Variants in LEUTX observed in about 807,000 individuals in gnomAD.
LEUTX encodes paired-like homeodomain transcription factor LEUTX.
A neutral mutation model predicts 4.5 loss-of-function variants in LEUTX; 5 were observed. That is an observed-to-expected ratio of 1.11 (90% CI 0.58 to 2.34). The LOEUF is 2.34. Ranked by LOEUF, LEUTX falls within the 30% of genes most tolerant of loss-of-function variation. The pLI is 0.01. For missense variants in LEUTX, 233 were observed against 239.4 expected (o/e 0.97, Z 0.18); for synonymous variants, 89 against 85.1 (o/e 1.05, Z -0.25).
At chr19:39,783,069 T>C (rs193108960) in intron 1 of LEUTX, among the ~76,000 whole-genome samples, 1 of 151,752 alleles carries the variant, frequency 6.6e-6, no homozygotes, top group Non-Finnish European at 1.5e-5. Context: ...GTCCATTGTG[T>C]CATTCTTATG....
At chr19:39,784,743 A>G (rs1967939309) in intron 2 of LEUTX, 65 bp downstream of exon 2, 2 of 1,232,308 alleles carry the variant, frequency 1.6e-6, no homozygotes, top group Non-Finnish European at 2.3e-6. Flanking sequence ...ACTTTTGATC[A>G]TTGTTATAAC....
intron 1 of LEUTX, among the ~76,000 whole-genome samples, chr19:39,783,044 C>A (rs1967910528): frequency 6.6e-6 from 1 of 151,610 alleles, no homozygotes; most frequent in Non-Finnish European, 1.5e-5. Flanking sequence ...CCACCCTTTC[C>A]CCCGAATCCC....
upstream of LEUTX, chr19:39,776,768 C>G (rs1480290624): frequency 7.0e-6 from 3 of 430,166 alleles, no homozygotes; most frequent in Non-Finnish European, 1.4e-5. Context: ...GTAGTCCCAG[C>G]TGCTTGGGAG....
At chr19:39,783,099 T>C (rs1210584682) in intron 1 of LEUTX, among the ~76,000 whole-genome samples, 1 of 151,780 alleles carries the variant, frequency 6.6e-6, no homozygotes, top group Non-Finnish European at 1.5e-5. Flanking sequence ...CCTCATAGCT[T>C]AGCTCCCACT....
chr19:39,782,493 C>G (rs1414009112), intron 1 of LEUTX, among the ~76,000 whole-genome samples: 2 of 152,172 alleles, frequency 1.3e-5, no homozygotes, highest in Non-Finnish European at 2.9e-5. Flanking sequence ...CCATGTGGAA[C>G]TGTGAGTCCA....
chr19:39,785,679 C>T lies in LEUTX; in HGVS notation c.160-19C>T, dbSNP rs751780707. 3.2e-6 allele frequency: 5 copies of T among 1,542,724 alleles called. No individual in the cohort carries two copies. The African/African-American group carries it at 5.5e-5, about 17-fold the overall frequency. ...ATACTCAACATCCATTATTAACCTC[C>T]CCCCTCCTCCCTCCTTAGATCTGGT... On this transcript the variant is annotated intron_variant, in intron 2 of 2. Coordinates refer to ENST00000638280, the MANE Select transcript of LEUTX (RefSeq NM_001382345.1).
intron 1 of LEUTX, among the ~76,000 whole-genome samples, chr19:39,780,578 A>G (rs1470353192): frequency 1.3e-5 from 2 of 152,110 alleles, no homozygotes. Context: ...TAGTCACATA[A>G]ATATTGCTAG....
intron 2 of LEUTX, among the ~76,000 whole-genome samples, chr19:39,785,327 A>G (rs1313708631): frequency 2.0e-5 from 3 of 152,206 alleles, no homozygotes; most frequent in African/African-American, 7.2e-5. Context: ...AGTCCCAGCT[A>G]CTTGGGAGAC....
upstream of LEUTX, among the ~76,000 whole-genome samples, chr19:39,777,935 T>C (rs1158470853): frequency 6.6e-6 from 1 of 152,002 alleles, no homozygotes; most frequent in Non-Finnish European, 1.5e-5. Flanking sequence ...GGTGGGGGTG[T>C]GGAGGTTGCG....
intron 1 of LEUTX, among the ~76,000 whole-genome samples, chr19:39,783,825 G>A (rs1225223505): frequency 6.6e-6 from 1 of 151,876 alleles, no homozygotes; most frequent in Non-Finnish European, 1.5e-5. Context: ...ACTTTTTGAT[G>A]GAATTGTTTG....
chr19:39,785,642 G>A (rs1276060568), intron 2 of LEUTX, 56 bp from the exon 3 acceptor site: 2 of 1,360,558 alleles, frequency 1.5e-6, no homozygotes, highest in African/African-American at 2.9e-5. Flanking sequence ...AGGAACATGA[G>A]GATGCCCCTT....
chr19:39,781,954 A>C (rs996624665), intron 1 of LEUTX, among the ~76,000 whole-genome samples: 4 of 152,178 alleles, frequency 2.6e-5, no homozygotes, highest in African/African-American at 7.2e-5. Context: ...GTATAAGTGT[A>C]CTGATGCTGC....
chr19:39,785,706 C>T lies in LEUTX; in HGVS notation c.168C>T (p.Phe56=), dbSNP rs565258087. The T allele has an allele frequency of 6.4e-7, 1 of 1,551,642 alleles. No individual in the cohort carries two copies. The highest frequency in any genetic ancestry group is 1.4e-5 in the African/African-American group (1 of 73,126). The change falls in exon 3 of 3, where the codon TTC becomes TTT. Residue 56 remains phenylalanine, a synonymous_variant. Coordinates refer to ENST00000638280, the MANE Select transcript of LEUTX (RefSeq NM_001382345.1). ...QLDLSVVKIW[F]KNQRAKWKRQ... The stretch of plus-strand genomic sequence containing the variant: ...CCCTCCTCCCTCCTTAGATCTGGTT[C>T]AAGAACCAGCGTGCCAAATGGAAGA...
chr19:39,777,911 T>C (rs56790448), upstream of LEUTX, among the ~76,000 whole-genome samples: 2,691 of 152,282 alleles, frequency 0.018, 83 homozygotes, highest in African/African-American at 0.059. Context: ...TCCAAGACTT[T>C]TCCAAACCAA....
chr19:39,785,877 T>C lies in LEUTX; in HGVS notation c.339T>C (p.His113=). ...VSPGISDAND[H]DLREPSGIKN... ...CTGGAATCTCTGATGCAAATGACCA[T>C]GATCTACGTGAGCCTTCTGGTATCA... The change falls in exon 3 of 3, where the codon CAT becomes CAC. Residue 113 remains histidine (H), a synonymous_variant. Coordinates refer to ENST00000638280, the MANE Select transcript of LEUTX (RefSeq NM_001382345.1). 1 of 1,551,788 alleles carries C rather than the reference T, an allele frequency of 6.4e-7. No individual in the cohort carries two copies.
Position 39,785,904 on chromosome 19 carries a change from G to A in LEUTX, c.366G>A (p.Lys122=). 2 of 1,551,802 alleles carry A rather than the reference G, an allele frequency of 1.3e-6. No homozygotes were observed. The highest frequency in any genetic ancestry group is 1.7e-6 in the Non-Finnish European group (2 of 1,147,014). The change falls in exon 3 of 3, where the codon AAG becomes AAA. Residue 122 remains lysine (K), a synonymous_variant. Coordinates refer to ENST00000638280, the MANE Select transcript of LEUTX (RefSeq NM_001382345.1). Reference sequence around the variant, plus strand: ...ATCTACGTGAGCCTTCTGGTATCAAGAATCCTGGAGGAGCCAGCGCCTCTG... The same window carrying A: ...ATCTACGTGAGCCTTCTGGTATCAAAAATCCTGGAGGAGCCAGCGCCTCTG... ...DHDLREPSGI[K]NPGGASASAR... is the part of the protein sequence containing the mutation.
At position 39,783,011 on chromosome 19, in the gene LEUTX, G is replaced by A. The variant is rs529269125; in HGVS notation, c.8-1516G>A. On this transcript the variant is annotated intron_variant, in intron 1 of 2. Transcript: ENST00000638280. ...CAGCATACACTGCACCATATTTGTAGTCTTTTATCCCTCACCCCCTTCCCA... is the reference window on the plus strand; with the variant it reads ...CAGCATACACTGCACCATATTTGTAATCTTTTATCCCTCACCCCCTTCCCA... 5.9e-5 allele frequency among the ~76,000 whole-genome samples: 9 copies of A among 151,956 alleles called. No homozygotes were observed. The South Asian group carries it at 1.5e-3, about 25-fold the overall frequency.
Position 39,785,793 on chromosome 19 carries a change from A to T in LEUTX, c.255A>T (p.Ser85=). 6.4e-7 allele frequency: 1 copy of T among 1,551,762 alleles called. No homozygotes were observed. Among genetic ancestry groups the T allele is most frequent in the Non-Finnish European group, 8.7e-7 (1 of 1,147,006 alleles). ...PSLGPANQTT[S]VKKEETPSAI... is the part of the protein sequence containing the mutation. ...TAGGGCCAGCAAACCAGACAACTTC[A>T]GTGAAGAAGGAGGAGACTCCCTCAG... Residue 85 remains serine (S), a synonymous_variant, in exon 3 of 3, where the codon TCA becomes TCT. Transcript: ENST00000638280.
intron 1 of LEUTX, among the ~76,000 whole-genome samples, chr19:39,780,659 C>T (rs73546629): frequency 0.018 from 2,696 of 152,044 alleles, 81 homozygotes; most frequent in African/African-American, 0.059. Flanking sequence ...CTTTTGTATA[C>T]TTTTTCTACT....
Sources: allele counts gnomAD v4.1 joint callset (sites outside exome capture counted in the v4.1 genomes callset), GRCh38; gene constraint gnomAD v4.1.1; transcripts MANE v1.5; gene names NCBI Gene and HGNC (gene_info 2026-07-23, HGNC 2026-07-21).